Variants in STEAP2 observed in about 807,000 individuals in gnomAD.
The protein encoded by STEAP2 is STEAP2 metalloreductase, also known as metalloreductase STEAP2.
A neutral mutation model predicts 46.4 loss-of-function variants in STEAP2; 30 were observed. The ratio of observed to expected loss-of-function variants is 0.65; its 90% CI spans 0.48 to 0.88. The LOEUF is 0.88. Ranked by LOEUF, STEAP2 falls within the 40% of genes least tolerant of loss-of-function variation. STEAP2 has a pLI of 0.00. For synonymous variants in STEAP2, 180 were observed against 200.5 expected, an observed-to-expected ratio of 0.90 and a Z score of 0.86; for missense variants, 513 against 579.3, an observed-to-expected ratio of 0.89 and a Z score of 1.18.
chr7:90,217,306 A>G (rs1206899019), intron 2 of STEAP2, among the ~76,000 whole-genome samples: 2 of 152,110 alleles, frequency 1.3e-5, no homozygotes, highest in Non-Finnish European at 2.9e-5. Context: ...TACACAGTAC[A>G]TTGTTACTGA....
rs1375840374 is a variant in STEAP2, at chr7:90,225,400, T to A, written c.318T>A (p.His106Gln). 1.2e-5 allele frequency: 19 copies of A among 1,613,764 alleles called. No individual in the cohort carries two copies. The highest frequency in any genetic ancestry group is 1.6e-5 in the Non-Finnish European group (19 of 1,179,928). ...ATACCTCCCTGTGGGACCTGAGACA[T>A]CTGCTTGTGGGTAAAATCCTGATTG... ...EHYTSLWDLR[H>Q]LLVGKILIDV... is the part of the protein sequence containing the mutation. Residue 106 changes from histidine (H) to glutamine (Q), a missense_variant, in exon 3 of 6, where the codon CAT (histidine) becomes CAA (glutamine). Physicochemically the swap from His to Gln is conservative, Grantham distance 24. Transcript: ENST00000394621.
intron 2 of STEAP2, among the ~76,000 whole-genome samples, chr7:90,218,088 A>C (rs926101418): frequency 1.3e-5 from 2 of 152,090 alleles, no homozygotes; most frequent in African/African-American, 4.8e-5. Flanking sequence ...ATGTCTATTC[A>C]TGACCTTTAC....
intron 2 of STEAP2, among the ~76,000 whole-genome samples, chr7:90,219,164 A>G (rs1795149970): frequency 6.6e-6 from 1 of 152,164 alleles, no homozygotes; most frequent in East Asian, 1.9e-4. Context: ...TTTATTTATC[A>G]GATCTAAGAG....
intron 2 of STEAP2, among the ~76,000 whole-genome samples, chr7:90,224,762 T>C (rs1032074954): frequency 6.6e-6 from 1 of 152,218 alleles, no homozygotes; most frequent in Non-Finnish European, 1.5e-5. Flanking sequence ...TTTAACGAGA[T>C]TCCGAAGTGA....
At chr7:90,228,423 A>G (rs1158516892) in intron 4 of STEAP2, among the ~76,000 whole-genome samples, 1 of 150,660 alleles carries the variant, frequency 6.6e-6, no homozygotes, top group Admixed American at 6.6e-5. Context: ...ACTTCTCTTA[A>G]TGGGATACTA....
At chr7:90,242,798 G>A (rs142544958), downstream of STEAP2, among the ~76,000 whole-genome samples, 23 of 152,314 alleles carry the variant, frequency 1.5e-4, no homozygotes, top group African/African-American at 5.3e-4. Context: ...CAGTAGCTAG[G>A]CAGCAGAGTG....
rs544909253 is a variant in STEAP2, at chr7:90,225,185, G to A, written c.103G>A (p.Val35Met). Residue 35 changes from valine to methionine, a missense_variant, in exon 3 of 6, where the codon GTG becomes ATG. Transcript: ENST00000394621. ...IKDARKVTVG[V>M]IGSGDFAKSL... is the part of the protein sequence containing the mutation. ...AGATGCAAGGAAGGTCACTGTAGGTGTGATTGGAAGTGGAGATTTTGCCAA... is the reference window on the plus strand; with the variant it reads ...AGATGCAAGGAAGGTCACTGTAGGTATGATTGGAAGTGGAGATTTTGCCAA... 9.9e-5 allele frequency: 160 copies of A among 1,613,976 alleles called. 2 individuals are homozygous for A. The South Asian group carries it at 1.2e-3, about 12-fold the overall frequency.
chr7:90,216,452 G>A (rs1023730705), intron 1 of STEAP2, 39 bp from the exon 2 acceptor site: 1 of 152,134 alleles, frequency 6.6e-6, no homozygotes, highest in African/African-American at 2.4e-5. Flanking sequence ...TGTTGTGCAA[G>A]GAGTGACGCA....
chr7:90,238,676 T>C (rs1202767340), downstream of STEAP2, among the ~76,000 whole-genome samples: 2 of 152,228 alleles, frequency 1.3e-5, no homozygotes, highest in African/African-American at 4.8e-5. Context: ...TTCTCAGAGA[T>C]AGTACTCCCC....
At chr7:90,239,883 AT>A (rs1753367052), downstream of STEAP2, among the ~76,000 whole-genome samples, 1 of 152,148 alleles carries the variant, frequency 6.6e-6, no homozygotes, top group Non-Finnish European at 1.5e-5. Context: ...TTCTTCCCAA[AT>A]GTACATTAAT....
downstream of STEAP2, among the ~76,000 whole-genome samples, chr7:90,239,573 A>G (rs1161605973): frequency 1.3e-5 from 2 of 152,232 alleles, no homozygotes; most frequent in African/African-American, 2.4e-5. Context: ...TTATTGCACT[A>G]TAACTACCCA....
Position 90,226,966 on chromosome 7 carries a change from C to T in STEAP2, c.493-5C>T. On this transcript the variant is annotated splice_region_variant and splice_polypyrimidine_tract_variant and intron_variant, in intron 3 of 5. Coordinates refer to ENST00000394621, the MANE Select transcript of STEAP2 (RefSeq NM_001244944.2). Reference sequence around the variant, plus strand: ...TAATGCTGAGTCTTTTTGTTTTTTCCACAGGTTTATATATGCAGCAACAAT... The same window carrying T: ...TAATGCTGAGTCTTTTTGTTTTTTCTACAGGTTTATATATGCAGCAACAAT... 5 of 1,550,052 alleles carry T rather than the reference C, an allele frequency of 3.2e-6. No homozygotes were observed. Among genetic ancestry groups the T allele is most frequent in the Admixed American group, 2.1e-5 (1 of 47,162 alleles).
intron 2 of STEAP2, among the ~76,000 whole-genome samples, chr7:90,221,633 C>G (rs1795262176): frequency 6.6e-6 from 1 of 152,108 alleles, no homozygotes; most frequent in Non-Finnish European, 1.5e-5. Context: ...ACAATGAAAA[C>G]TTCCCAAGTC....
intron 2 of STEAP2, among the ~76,000 whole-genome samples, chr7:90,219,081 C>G (rs1217927588): frequency 6.6e-6 from 1 of 151,660 alleles, no homozygotes; most frequent in East Asian, 1.9e-4. Context: ...TCTTTTTCAG[C>G]AAGTTCATTG....
At chr7:90,230,119 A>G in intron 5 of STEAP2, 83 bp downstream of exon 5, 1 of 1,547,216 alleles carries the variant, frequency 6.5e-7, no homozygotes, top group Admixed American at 2.0e-5. Context: ...TATGTTCCTT[A>G]TTAAAAGGGT....
At chr7:90,229,799 C>T in intron 4 of STEAP2, 73 bp from the exon 5 acceptor site, 8 of 1,545,784 alleles carry the variant, frequency 5.2e-6, no homozygotes, top group African/African-American at 1.4e-5. Flanking sequence ...CTTCTTATGC[C>T]AAGAGTGAAC....
In STEAP2 at chr7:90,232,390, T is replaced by C. The variant is rs1795791413; in HGVS notation, c.1239T>C (p.Tyr413=). The part of the protein sequence containing the change: ...LLISTFHVLI[Y]GWKRAFEEEY... ...TAAGTACTTTCCATGTTTTAATTTA[T>C]GGATGGAAACGAGCTTTTGAGGAAG... is the stretch of plus-strand genomic sequence containing the variant. The change falls in exon 6 of 6, where the codon TAT becomes TAC. Residue 413 remains tyrosine (Y), a synonymous_variant. Transcript: ENST00000394621. 7 of 1,613,402 alleles carry C rather than the reference T, an allele frequency of 4.3e-6. No homozygotes were observed. The highest frequency in any genetic ancestry group is 3.4e-6 in the Non-Finnish European group (4 of 1,179,554).
At chr7:90,241,575 A>G (rs897189603), downstream of STEAP2, among the ~76,000 whole-genome samples, 2 of 152,220 alleles carry the variant, frequency 1.3e-5, no homozygotes, top group Non-Finnish European at 2.9e-5. Context: ...TTAAAAGCAC[A>G]TATCCTTGGG....
At position 90,227,071 on chromosome 7, in the gene STEAP2, C is replaced by T; in HGVS notation, c.593C>T (p.Ala198Val). ...ATTGACTTGGGATCCTTATCATCAG[C>T]CAGAGAGATTGAAAATTTACCCCTA... ...IPIDLGSLSSAREIENLPLRL... is the reference protein window; with the variant it reads ...IPIDLGSLSSVREIENLPLRL... Residue 198 changes from alanine to valine, a missense_variant, in exon 4 of 6, where the codon GCC becomes GTC. Transcript: ENST00000394621. 1 of 1,613,776 alleles carries T rather than the reference C, an allele frequency of 6.2e-7. No individual in the cohort carries two copies. The highest frequency in any genetic ancestry group is 1.1e-5 in the South Asian group (1 of 91,054).
Sources: allele counts gnomAD v4.1 joint callset (sites outside exome capture counted in the v4.1 genomes callset), GRCh38; gene constraint gnomAD v4.1.1; transcripts MANE v1.5; gene names NCBI Gene and HGNC (gene_info 2026-07-23, HGNC 2026-07-21).